Variants in FTSJ1 observed in about 807,000 individuals in gnomAD.
The protein encoded by FTSJ1 is FtsJ RNA 2'-O-methyltransferase 1.
FTSJ1 carries 3 observed loss-of-function variants against 28.5 expected under a neutral mutation model. The ratio of observed to expected loss-of-function variants is 0.11; its 90% CI spans 0.05 to 0.27. FTSJ1 has a LOEUF of 0.27. Ranked by LOEUF, FTSJ1 falls within the 10% of genes least tolerant of loss-of-function variation. The pLI, the probability that FTSJ1 is intolerant of heterozygous loss-of-function variation, is 1.00. For missense variants in FTSJ1, 162 were observed against 279.0 expected (o/e 0.58, Z 2.99); for synonymous variants, 104 against 113.9 (o/e 0.91, Z 0.55).
At position 48,480,820 on chromosome X, in the gene FTSJ1, G is replaced by T. The variant is rs192098168; in HGVS notation, c.362-331G>T. 1.4e-3 allele frequency among the ~76,000 whole-genome samples: 156 copies of T among 111,308 alleles called. 2 individuals carry two copies. Among genetic ancestry groups the T allele is most frequent in the African/African-American group, 4.7e-3 (143 of 30,587 alleles). On this transcript the variant is annotated intron_variant, in intron 5 of 12. Coordinates refer to ENST00000348411, the MANE Select transcript of FTSJ1 (RefSeq NM_012280.4). Reference sequence around the variant, plus strand: ...GCTCAGATGAGATGGGGAGGATGGTGGGAGGAGCAGGTTTGGGGAGGTAGG... The same window carrying T: ...GCTCAGATGAGATGGGGAGGATGGTTGGAGGAGCAGGTTTGGGGAGGTAGG...
Position 48,477,960 on chromosome X carries a change from G to A in FTSJ1, c.-87-1G>A. 8.4e-7 allele frequency: 1 copy of A among 1,187,585 alleles called. No homozygotes were observed. The highest frequency in any genetic ancestry group is 2.2e-5 in the Admixed American group (1 of 45,276). On this transcript the variant is annotated splice_acceptor_variant, in intron 1 of 12. Coordinates refer to ENST00000348411, the MANE Select transcript of FTSJ1 (RefSeq NM_012280.4). LOFTEE classifies it low-confidence loss of function (5UTR_SPLICE). ...TTTGTGTGGTTCTCTCCGCCCTACAGAGGTAGGTGGTAGCCCATTCATCTG... is the reference window on the plus strand; with the variant it reads ...TTTGTGTGGTTCTCTCCGCCCTACAAAGGTAGGTGGTAGCCCATTCATCTG...
chrX:48,478,976 A>C (rs1008147729), intron 4 of FTSJ1, 62 bp from the exon 5 acceptor site: 4 of 904,002 alleles, frequency 4.4e-6, no homozygotes, highest in Non-Finnish European at 6.5e-6. Flanking sequence ...GACCATGGGC[A>C]GGCGGGATCT....
chrX:48,484,284 G>T (rs1231480728), intron 12 of FTSJ1, among the ~76,000 whole-genome samples: 1 of 111,158 alleles, frequency 9.0e-6, no homozygotes, highest in Non-Finnish European at 1.9e-5. Flanking sequence ...GACCAGACTG[G>T]TCTCAAACTC....
chrX:48,476,659 C>T (rs1490999297), intron 1 of FTSJ1: 1 of 145,316 alleles, frequency 6.9e-6, no homozygotes, highest in African/African-American at 3.1e-5. Flanking sequence ...ATGGAGCTAT[C>T]ATCTTTGAGG....
In FTSJ1 at chrX:48,478,701, C is replaced by T. The variant is rs907519886; in HGVS notation, c.276C>T (p.Ile92=). The change falls in exon 4 of 13, where the codon ATC becomes ATT. Residue 92 remains isoleucine, a synonymous_variant. Coordinates refer to ENST00000348411, the MANE Select transcript of FTSJ1 (RefSeq NM_012280.4). The part of the protein sequence containing the change: ...LPGVVQIQGD[I]TQLSTAKEII... The stretch of plus-strand genomic sequence containing the variant: ...GTGTGGTACAGATCCAGGGGGACAT[C>T]ACCCAGGTAAGAGCATGGCTGAGGG... 1.5e-5 allele frequency: 18 copies of T among 1,190,823 alleles called. No homozygotes were observed. Among genetic ancestry groups the T allele is most frequent in the Non-Finnish European group, 2.1e-5 (18 of 877,637 alleles).
At chrX:48,482,900 A>G (rs1444914203) in intron 11 of FTSJ1, 86 bp from the exon 12 acceptor site, 5 of 1,207,940 alleles carry the variant, frequency 4.1e-6, no homozygotes, top group Non-Finnish European at 5.6e-6. Flanking sequence ...CTGCCTCCCA[A>G]TAGCTATAAA....
Position 48,481,496 on chromosome X carries a change from C to G in FTSJ1, c.539C>G (p.Ala180Gly). 2 of 1,211,216 alleles carry G rather than the reference C, an allele frequency of 1.7e-6. No homozygotes were observed. Among genetic ancestry groups the G allele is most frequent in the Non-Finnish European group, 2.2e-6 (2 of 894,667 alleles). Reference protein sequence around the residue: ...LQVFFSSVLCAKPRSSRNSSI... With the variant: ...LQVFFSSVLCGKPRSSRNSSI... Reference sequence around the variant, plus strand: ...GTCTTCTTCTCCAGCGTGCTGTGTGCCAAGCCCAGGAGCAGCCGGAACTCT... The same window carrying G: ...GTCTTCTTCTCCAGCGTGCTGTGTGGCAAGCCCAGGAGCAGCCGGAACTCT... The change falls in exon 8 of 13, where the codon GCC (alanine) becomes GGC (glycine). Residue 180 changes from alanine to glycine, a missense_variant. Ala to Gly is a moderately conservative substitution (Grantham distance 60). Transcript: ENST00000348411.
intron 1 of FTSJ1, among the ~76,000 whole-genome samples, chrX:48,477,243 G>A (rs946762992): frequency 9.0e-6 from 1 of 111,000 alleles, no homozygotes; most frequent in South Asian, 3.8e-4. Flanking sequence ...GGGAACTGAT[G>A]TGTGATCAGT....
chrX:48,479,161 T>A (rs1556967667), intron 5 of FTSJ1, 45 bp downstream of exon 5: 1 of 854,581 alleles, frequency 1.2e-6, no homozygotes, highest in East Asian at 3.1e-5. Context: ...GCCCCCTGTG[T>A]GTGTCCTTCT....
At chrX:48,483,338 G>T in intron 12 of FTSJ1, 1 of 322,538 alleles carries the variant, frequency 3.1e-6, no homozygotes, top group Non-Finnish European at 5.5e-6. Flanking sequence ...AATCAAAACA[G>T]TCTGTAAGTG....
intron 1 of FTSJ1, 73 bp downstream of exon 1, chrX:48,476,469 G>A: frequency 3.5e-6 from 1 of 289,496 alleles, no homozygotes; most frequent in Non-Finnish European, 6.1e-6. Context: ...TCCCGCCTGC[G>A]GGGAAAGGAG....
rs2061601909 is a variant in FTSJ1, at chrX:48,486,162, C to A, written c.*436C>A. On this transcript the variant is annotated 3_prime_UTR_variant, in exon 13 of 13. Coordinates refer to ENST00000348411, the MANE Select transcript of FTSJ1 (RefSeq NM_012280.4). ...AAAAGCAGTACCTGGGATTTTCCCACCAATACAAACCAGTTACAGCAACTG... is the reference window on the plus strand; with the variant it reads ...AAAAGCAGTACCTGGGATTTTCCCAACAATACAAACCAGTTACAGCAACTG... The A allele has an allele frequency of 8.9e-6, 1 of 112,295 alleles. No individual in the cohort carries two copies. Among genetic ancestry groups the A allele is most frequent in the Admixed American group, 9.5e-5 (1 of 10,562 alleles). The allele number at this position is 112,295 out of a possible 1,213,427, so 9.3% of individuals were successfully genotyped here. A position where few individuals can be genotyped will look rare whatever the true frequency, so the allele number is the denominator to read the frequency against.
Position 48,485,845 on chromosome X carries a change from C to T in FTSJ1, c.*119C>T, listed in dbSNP as rs1602057653. On this transcript the variant is annotated 3_prime_UTR_variant, in exon 13 of 13. Transcript: ENST00000348411. Reference sequence around the variant, plus strand: ...ATCAACGAGGCCTGGACAAACAAGCCCTGAGGAGGGATCTGCAACAACCCT... The same window carrying T: ...ATCAACGAGGCCTGGACAAACAAGCTCTGAGGAGGGATCTGCAACAACCCT... 1 of 112,054 alleles carries T rather than the reference C, an allele frequency of 8.9e-6. No individual in the cohort carries two copies. The highest frequency in any genetic ancestry group is 2.8e-4 in the East Asian group (1 of 3,636). The allele number at this position is 112,054 out of a possible 1,213,427, so 9.2% of individuals were successfully genotyped here. A position where few individuals can be genotyped will look rare whatever the true frequency, so the allele number is the denominator to read the frequency against.
intron 4 of FTSJ1, 66 bp downstream of exon 4, chrX:48,478,773 G>C: frequency 1.3e-6 from 1 of 748,914 alleles, no homozygotes; most frequent in Admixed American, 2.6e-5. Context: ...GGTCTATGCA[G>C]AGTGGAAGAG....
At chrX:48,478,847 C>T in intron 4 of FTSJ1, 140 bp downstream of exon 4, 1 of 546,046 alleles carries the variant, frequency 1.8e-6, no homozygotes, top group South Asian at 2.7e-5. Context: ...GAGAAACAGT[C>T]AGCAGGTCAT....
At chrX:48,479,347 C>T (rs2061554046) in intron 5 of FTSJ1, among the ~76,000 whole-genome samples, 1 of 112,366 alleles carries the variant, frequency 8.9e-6, no homozygotes, top group African/African-American at 3.2e-5. Context: ...TGTCTGTTGT[C>T]TACCTTTCCC....
At chrX:48,484,537 C>G (rs1159036264) in intron 12 of FTSJ1, among the ~76,000 whole-genome samples, 1 of 110,571 alleles carries the variant, frequency 9.0e-6, no homozygotes, top group Non-Finnish European at 1.9e-5. Flanking sequence ...ACGTGTGCTC[C>G]CACCTCACCC....
chrX:48,484,952 G>A (rs1740358897), intron 12 of FTSJ1, among the ~76,000 whole-genome samples: 3 of 111,740 alleles, frequency 2.7e-5, no homozygotes, highest in Non-Finnish European at 3.8e-5. Context: ...TGGAAACTTA[G>A]GCATTACCTA....
At chrX:48,480,283 G>A (rs896310707) in intron 5 of FTSJ1, among the ~76,000 whole-genome samples, 1 of 111,243 alleles carries the variant, frequency 9.0e-6, no homozygotes, top group Non-Finnish European at 1.9e-5. Context: ...AAAGGAGGTG[G>A]GGGAGTAAGC....
Sources: gnomAD v4.1 joint callset for allele counts (sites outside exome capture counted in the v4.1 genomes callset) on GRCh38, gnomAD v4.1.1 for gene constraint, MANE v1.5 for transcripts, NCBI Gene and HGNC (gene_info 2026-07-23, HGNC 2026-07-21) for gene names.